Variants in PCDHGB2 observed in about 807,000 individuals in gnomAD.
PCDHGB2 encodes protocadherin gamma subfamily B, 2, also known as protocadherin gamma-B2.
PCDHGB2 carries 55 observed loss-of-function variants against 59.3 expected under a neutral mutation model. The observed-to-expected ratio is 0.93, with a 90% CI of 0.75 to 1.16. PCDHGB2 has a LOEUF of 1.16. Ranked by LOEUF, PCDHGB2 falls within the 50% of genes most tolerant of loss-of-function variation. PCDHGB2 has a pLI of 0.00. For missense variants in PCDHGB2, 1,228 were observed against 1,198.5 expected (o/e 1.02, Z -0.36); for synonymous variants, 516 against 512.0 (o/e 1.01, Z -0.11).
Position 141,409,803 on chromosome 5 carries a change from C to G in PCDHGB2, c.2421+47247C>G, listed in dbSNP as rs779815582. The G allele has an allele frequency of 1.4e-5, 23 of 1,611,528 alleles. No homozygotes were observed. The highest frequency in any genetic ancestry group is 7.7e-5 in the South Asian group (7 of 90,886). ...CGCGCCTTCGCGCTCACGCTGCAGG[C>G]CCGCGACCACGGCTCGCCCACGCTC... On this transcript the variant is annotated intron_variant, in intron 1 of 3. Coordinates refer to ENST00000522605, the MANE Select transcript of PCDHGB2 (RefSeq NM_018923.3).
chr5:141,362,460 TC>T lies in PCDHGB2; in HGVS notation c.2328del (p.Ala777ArgfsTer30), dbSNP rs755603775. 2.5e-6 allele frequency: 4 copies of T among 1,614,026 alleles called. No homozygotes were observed. Among genetic ancestry groups the T allele is most frequent in the Non-Finnish European group, 3.4e-6 (4 of 1,179,890 alleles). ...TTCTGAACATAACCCCGGAATTGGT[TC>T]CCGCGCAAGATCTCGTCTGTGACAA... The part of the protein sequence containing the change: ...NFLNITPELV[P>X]AQDLVCDNAS... On this transcript the variant is annotated frameshift_variant, in exon 1 of 4. Coordinates refer to ENST00000522605, the MANE Select transcript of PCDHGB2 (RefSeq NM_018923.3). LOFTEE classifies it high-confidence loss of function.
chr5:141,372,129 C>T (rs62620756), intron 1 of PCDHGB2: 5 of 1,613,514 alleles, frequency 3.1e-6, no homozygotes, highest in African/African-American at 1.3e-5. Flanking sequence ...CGATATGGTG[C>T]CGCGCTCTGC....
chr5:141,431,790 C>T lies in PCDHGB2; in HGVS notation c.2422-63017C>T, dbSNP rs2097417829. On this transcript the variant is annotated intron_variant, in intron 1 of 3. Transcript: ENST00000522605. This position sits in a 1 kb window ranked among gnomAD's most constrained non-coding sequence, Gnocchi z 4.8. The stretch of plus-strand genomic sequence containing the variant: ...ACTGTTCTGGACGTGAACGACAATG[C>T]CCCAGAAGTGGTCCTCACCTCTCTC... 4.3e-6 allele frequency: 7 copies of T among 1,614,186 alleles called. No individual in the cohort carries two copies. The highest frequency in any genetic ancestry group is 5.9e-6 in the Non-Finnish European group (7 of 1,180,016).
intron 1 of PCDHGB2, chr5:141,430,816 C>G: frequency 6.5e-7 from 1 of 1,538,128 alleles, no homozygotes. Context: ...TGGGAATCCT[C>G]CTGGGGACTC....
chr5:141,452,914 TAAGA>T (rs1164409830), intron 1 of PCDHGB2, among the ~76,000 whole-genome samples: 1 of 152,226 alleles, frequency 6.6e-6, no homozygotes, highest in African/African-American at 2.4e-5. Flanking sequence ...CATTATACAG[TAAGA>T]AAGAGCTGCT....
In PCDHGB2 at chr5:141,487,135, A is replaced by T; in HGVS notation, c.2422-7672A>T. 6.2e-7 allele frequency: 1 copy of T among 1,613,544 alleles called. No individual in the cohort carries two copies. The highest frequency in any genetic ancestry group is 8.5e-7 in the Non-Finnish European group (1 of 1,179,856). ...TGGTAAAGGATAGTGGTAGTCCACC[A>T]CTCTCTACCTCTGTTACTCTCTTAG... On this transcript the variant is annotated intron_variant, in intron 1 of 3. Transcript: ENST00000522605. The surrounding 1 kb of genome is among the most constrained non-coding windows in gnomAD (Gnocchi z 5.0).
chr5:141,415,380 C>G (rs759710024), intron 1 of PCDHGB2: 1 of 1,614,250 alleles, frequency 6.2e-7, no homozygotes, highest in South Asian at 1.1e-5. Flanking sequence ...CAGGAGGCGG[C>G]TTGACAGGTG....
At chr5:141,372,259 G>T (rs1229622208) in intron 1 of PCDHGB2, 2 of 1,613,108 alleles carry the variant, frequency 1.2e-6, no homozygotes, top group East Asian at 2.2e-5. Flanking sequence ...CTGGGCCTGC[G>T]CACGGGTGAG....
intron 1 of PCDHGB2, among the ~76,000 whole-genome samples, chr5:141,444,199 T>C (rs2098425653): frequency 7.4e-6 from 1 of 134,516 alleles, no homozygotes; most frequent in African/African-American, 2.9e-5. Context: ...GAGATGGAGT[T>C]TCACTCTTGT....
At chr5:141,370,968 C>A (rs528172004) in intron 1 of PCDHGB2, 3 of 1,613,848 alleles carry the variant, frequency 1.9e-6, no homozygotes, top group East Asian at 2.2e-5. Flanking sequence ...CAGTAGGTAC[C>A]CAGAGCTAGT....
chr5:141,410,068 C>A, intron 1 of PCDHGB2: 1 of 1,612,950 alleles, frequency 6.2e-7, no homozygotes. Context: ...TGGGGCTGCG[C>A]ACTGGGGAGG....
chr5:141,399,078 G>C (rs2093750242), intron 1 of PCDHGB2: 1 of 1,613,746 alleles, frequency 6.2e-7, no homozygotes, highest in African/African-American at 1.3e-5. Context: ...TTGTAGAAGG[G>C]AGGGATGGTG....
chr5:141,511,374 CA>C lies in PCDHGB2; in HGVS notation c.*202del. ...CCCCAGGGGGTTGAATATGCAAAAG[CA>C]GTTCCGCTGGGAACCCCCATCCAAT... On this transcript the variant is annotated 3_prime_UTR_variant, in exon 4 of 4. Coordinates refer to ENST00000522605, the MANE Select transcript of PCDHGB2 (RefSeq NM_018923.3). The C allele has an allele frequency of 8.0e-7, 1 of 1,242,392 alleles. No individual in the cohort carries two copies. 77.0% of individuals were successfully genotyped at this position (1,242,392 alleles called of 1,614,324 possible).
At chr5:141,381,178 G>A (rs1267503052) in intron 1 of PCDHGB2, among the ~76,000 whole-genome samples, 1 of 152,222 alleles carries the variant, frequency 6.6e-6, no homozygotes, top group African/African-American at 2.4e-5. Flanking sequence ...CCCACAAAAC[G>A]AAGTTAAGCT....
chr5:141,371,202 G>A, intron 1 of PCDHGB2: 2 of 1,614,036 alleles, frequency 1.2e-6, no homozygotes, highest in Non-Finnish European at 1.7e-6. Flanking sequence ...CATTGACATG[G>A]ATGAGGGCAT....
intron 1 of PCDHGB2, chr5:141,421,399 C>G: frequency 4.3e-6 from 7 of 1,614,046 alleles, no homozygotes; most frequent in Non-Finnish European, 5.1e-6. Context: ...GCTGGAGCCC[C>G]GGGAGCTGGC....
intron 1 of PCDHGB2, among the ~76,000 whole-genome samples, chr5:141,457,015 A>T (rs1216403373): frequency 6.6e-6 from 1 of 152,182 alleles, no homozygotes; most frequent in Admixed American, 6.5e-5. Context: ...AATCCAATAA[A>T]AAGTCCTAGT....
rs980122657 is a variant in PCDHGB2, at chr5:141,511,379, C to G, written c.*206C>G. The G allele has an allele frequency of 2.9e-5, 34 of 1,169,842 alleles. No individual in the cohort carries two copies. The highest frequency in any genetic ancestry group is 3.9e-5 in the Non-Finnish European group (33 of 853,834). The allele number at this position is 1,169,842 out of a possible 1,614,324, so 72.5% of individuals were successfully genotyped here. ...GGGGGTTGAATATGCAAAAGCAGTT[C>G]CGCTGGGAACCCCCATCCAATCAAC... On this transcript the variant is annotated 3_prime_UTR_variant, in exon 4 of 4. Transcript: ENST00000522605.
chr5:141,362,158 C>T lies in PCDHGB2; in HGVS notation c.2023C>T (p.Leu675Phe), dbSNP rs767396512. The T allele has an allele frequency of 7.4e-6, 12 of 1,613,916 alleles. No homozygotes were observed. Among genetic ancestry groups the T allele is most frequent in the South Asian group, 2.2e-5 (2 of 91,088 alleles). ...TAGCCTGCAAGAGGTATTGCCAGACCTCAGCGACCGCCGGGAGCCCTCTGA... is the reference window on the plus strand; with the variant it reads ...TAGCCTGCAAGAGGTATTGCCAGACTTCAGCGACCGCCGGGAGCCCTCTGA... ...ADSLQEVLPD[L>F]SDRREPSDPQ... Residue 675 changes from leucine to phenylalanine, a missense_variant, in exon 1 of 4, where the codon CTC becomes TTC. By Grantham distance (22) the Leu-to-Phe change is conservative (BLOSUM62 0). Around this residue, in one of 3 missense-constraint regions of PCDHGB2, gnomAD observed 433 missense variants for 441.8 expected, o/e 0.98. Transcript: ENST00000522605.
Sources: allele counts gnomAD v4.1 joint callset (sites outside exome capture counted in the v4.1 genomes callset), GRCh38; gene constraint gnomAD v4.1.1; regional missense constraint gnomAD v4.1.1; non-coding constraint Gnocchi (gnomAD v3.1); transcripts MANE v1.5; gene names NCBI Gene and HGNC (gene_info 2026-07-23, HGNC 2026-07-21).